The following HECW2 variants were observed in gnomAD, a reference collection of about 807,000 sequenced individuals.
HECW2 encodes E3 ubiquitin-protein ligase HECW2.
A neutral mutation model predicts 175.2 loss-of-function variants in HECW2; 61 were observed. The ratio of observed to expected loss-of-function variants is 0.35; its 90% CI spans 0.28 to 0.43. The LOEUF is 0.43. HECW2 is among the 20% of genes least tolerant of loss of function. HECW2 has a pLI of 1.00. For synonymous variants in HECW2, 671 were observed against 731.0 expected (o/e 0.92, Z 1.32); for missense variants, 1,524 against 2,000.5 (o/e 0.76, Z 4.54).
intron 2 of HECW2, among the ~76,000 whole-genome samples, chr2:196,418,334 T>C (rs1695313296): frequency 6.6e-6 from 1 of 152,104 alleles, no homozygotes; most frequent in African/African-American, 2.4e-5. Flanking sequence ...TTCACTGTGT[T>C]AGCCAGGATG....
chr2:196,262,156 G>T (rs1689320142), intron 17 of HECW2, among the ~76,000 whole-genome samples: 1 of 152,006 alleles, frequency 6.6e-6, no homozygotes, highest in Non-Finnish European at 1.5e-5. Flanking sequence ...CTCCTGAGTA[G>T]GTGGGACTAC....
chr2:196,502,231 C>A (rs1160701127), intron 1 of HECW2, among the ~76,000 whole-genome samples: 1 of 152,126 alleles, frequency 6.6e-6, no homozygotes. Flanking sequence ...AATATGTTGT[C>A]TTCATTTAAC....
At chr2:196,226,587 T>A (rs1487354169) in intron 22 of HECW2, among the ~76,000 whole-genome samples, 3 of 152,280 alleles carry the variant, frequency 2.0e-5, no homozygotes, top group South Asian at 4.1e-4. Flanking sequence ...AGCATTTCAG[T>A]GACATTTCCC....
At chr2:196,289,893 A>G (rs1362321436) in intron 14 of HECW2, 2 of 152,108 alleles carry the variant, frequency 1.3e-5, no homozygotes, top group African/African-American at 4.8e-5. Flanking sequence ...AATCTACTGG[A>G]AGCTGGTCAC....
intron 1 of HECW2, among the ~76,000 whole-genome samples, chr2:196,508,295 C>T (rs1419637681): frequency 6.6e-6 from 1 of 152,158 alleles, no homozygotes; most frequent in East Asian, 1.9e-4. Context: ...ATATAGAAAC[C>T]TGAATCCATC....
At chr2:196,548,042 A>C (rs1364478994) in intron 1 of HECW2, among the ~76,000 whole-genome samples, 2 of 152,136 alleles carry the variant, frequency 1.3e-5, no homozygotes, top group African/African-American at 4.8e-5. Flanking sequence ...TAAGAAATCC[A>C]CTATGGGCCA....
At chr2:196,518,654 CAAAAAAAA>C (rs747681637) in intron 1 of HECW2, among the ~76,000 whole-genome samples, 35 of 77,420 alleles carry the variant, frequency 4.5e-4, no homozygotes, top group South Asian at 1.4e-3. Context: ...GATTCTGTCT[CAAAAAAAA>C]AAAAAAAAAA....
At chr2:196,212,116 T>C (rs933585737) in intron 28 of HECW2, among the ~76,000 whole-genome samples, 2 of 152,160 alleles carry the variant, frequency 1.3e-5, no homozygotes, top group Non-Finnish European at 2.9e-5. Flanking sequence ...GGATTACAGG[T>C]GTGAGCCACC....
intron 23 of HECW2, among the ~76,000 whole-genome samples, chr2:196,225,270 T>TA (rs1687811135): frequency 6.6e-6 from 1 of 152,190 alleles, no homozygotes; most frequent in Admixed American, 6.5e-5. Flanking sequence ...TTAAGAAACA[T>TA]ATGGCACTGT....
At chr2:196,516,442 TTATAATTTTTG>T (rs1213817761) in intron 1 of HECW2, among the ~76,000 whole-genome samples, 1 of 152,208 alleles carries the variant, frequency 6.6e-6, no homozygotes, top group African/African-American at 2.4e-5. Context: ...GTTTTTGTAA[TTATAATTTTTG>T]TAATTTTTTC....
At chr2:196,414,341 C>T (rs536334225) in intron 2 of HECW2, among the ~76,000 whole-genome samples, 1 of 152,202 alleles carries the variant, frequency 6.6e-6, no homozygotes, top group South Asian at 2.1e-4. Context: ...ACCTGTCCTC[C>T]ATTCCTGTAA....
intron 1 of HECW2, among the ~76,000 whole-genome samples, chr2:196,591,780 CCAAA>C (rs1286226150): frequency 1.3e-5 from 2 of 152,212 alleles, no homozygotes; most frequent in Non-Finnish European, 2.9e-5. Flanking sequence ...CTTCTGATGA[CCAAA>C]CAGATTAGCA....
chr2:196,374,453 A>G (rs2105908857), intron 2 of HECW2, among the ~76,000 whole-genome samples: 1 of 152,352 alleles, frequency 6.6e-6, no homozygotes, highest in South Asian at 2.1e-4. Context: ...ATGAACTTGC[A>G]TTACCTTACT....
intron 2 of HECW2, among the ~76,000 whole-genome samples, chr2:196,376,017 T>A (rs1694042136): frequency 6.6e-6 from 1 of 152,242 alleles, no homozygotes; most frequent in Non-Finnish European, 1.5e-5. Context: ...CTACGTTCCT[T>A]CAGGCTCAGA....
intron 21 of HECW2, 160 bp downstream of exon 21, chr2:196,240,289 G>A (rs1182390480): frequency 2.4e-6 from 1 of 425,232 alleles, no homozygotes; most frequent in Admixed American, 4.2e-5. Flanking sequence ...AAAAGCCAGA[G>A]GAGACCTTTA....
At chr2:196,327,568 C>T (rs1481561760) in intron 5 of HECW2, among the ~76,000 whole-genome samples, 2 of 152,150 alleles carry the variant, frequency 1.3e-5, no homozygotes, top group Non-Finnish European at 2.9e-5. Flanking sequence ...CCTACCTATC[C>T]ATAGATAATC....
At chr2:196,458,281 TA>T (rs1696594158) in intron 1 of HECW2, among the ~76,000 whole-genome samples, 2 of 151,976 alleles carry the variant, frequency 1.3e-5, no homozygotes, top group Non-Finnish European at 2.9e-5. Context: ...TAAGAATTAT[TA>T]AAAAAGTAAA....
At chr2:196,320,253 C>T in intron 8 of HECW2, 86 bp downstream of exon 8, 1 of 782,624 alleles carries the variant, frequency 1.3e-6, no homozygotes, top group South Asian at 1.8e-5. Flanking sequence ...GAATTCAATT[C>T]TGTTCAGAAG....
intron 10 of HECW2, among the ~76,000 whole-genome samples, chr2:196,308,983 T>C (rs553087831): frequency 2.6e-5 from 4 of 152,274 alleles, no homozygotes; most frequent in Non-Finnish European, 5.9e-5. Flanking sequence ...TTTATATTTT[T>C]GTGTAAGTTA....
Sources: gnomAD v4.1 joint callset for allele counts (sites outside exome capture counted in the v4.1 genomes callset) on GRCh38, gnomAD v4.1.1 for gene constraint, MANE v1.5 for transcripts, NCBI Gene and HGNC (gene_info 2026-07-23, HGNC 2026-07-21) for gene names.